The following TFEC variants were observed in gnomAD, a reference collection of about 807,000 sequenced individuals.
The protein encoded by TFEC is class E basic helix-loop-helix protein 34.
TFEC carries 31 observed loss-of-function variants against 41.6 expected under a neutral mutation model. That is an observed-to-expected ratio of 0.74 (90% CI 0.56 to 1.01). TFEC has a LOEUF of 1.01. Ranked by LOEUF, TFEC falls within the 50% of genes least tolerant of loss-of-function variation. The pLI is 0.00. For missense variants in TFEC, 402 were observed against 404.1 expected, an observed-to-expected ratio of 0.99 and a Z score of 0.04; for synonymous variants, 143 against 140.6, an observed-to-expected ratio of 1.02 and a Z score of -0.12.
At chr7:116,088,175 C>A (rs1425176245) in intron 3 of TFEC, among the ~76,000 whole-genome samples, 1 of 152,098 alleles carries the variant, frequency 6.6e-6, no homozygotes, top group Non-Finnish European at 1.5e-5. Flanking sequence ...TAGGGGATAA[C>A]TTGCTTGGGG....
chr7:116,030,587 G>C (rs536298857), intron 1 of TFEC, 46 bp downstream of exon 1: 2 of 974,936 alleles, frequency 2.1e-6, no homozygotes, highest in South Asian at 9.5e-5. Context: ...TGTCTTCCTA[G>C]TTTGTTTAAA....
chr7:115,984,970 G>A (rs1474238640), intron 1 of TFEC, among the ~76,000 whole-genome samples: 1 of 151,956 alleles, frequency 6.6e-6, no homozygotes. Flanking sequence ...TAAGAGAGCA[G>A]GAACTAGAAA....
intron 2 of TFEC, chr7:116,111,914 A>G (rs1797863632): frequency 2.9e-6 from 2 of 694,632 alleles, no homozygotes; most frequent in Non-Finnish European, 3.6e-6. Context: ...CACCCTGGTA[A>G]ATGATAGTAC....
chr7:116,088,924 T>C (rs1380954526), intron 3 of TFEC, among the ~76,000 whole-genome samples: 1 of 152,078 alleles, frequency 6.6e-6, no homozygotes, highest in Non-Finnish European at 1.5e-5. Context: ...ACAAGGACTA[T>C]GGACACAATT....
At chr7:116,159,088 T>C (rs1397113987) in intron 1 of TFEC, among the ~76,000 whole-genome samples, 1 of 151,884 alleles carries the variant, frequency 6.6e-6, no homozygotes, top group Non-Finnish European at 1.5e-5. Context: ...ACAGTTTTTA[T>C]ATGTAAATAA....
chr7:115,952,693 CT>C (rs1255044163), intron 5 of TFEC, among the ~76,000 whole-genome samples: 1 of 152,034 alleles, frequency 6.6e-6, no homozygotes, highest in African/African-American at 2.4e-5. Context: ...GTACTAGTTA[CT>C]TATAAAGGAG....
At chr7:115,941,392 T>TG (rs1793489396) in intron 7 of TFEC, 1 of 163,118 alleles carries the variant, frequency 6.1e-6, no homozygotes, top group African/African-American at 2.4e-5. Flanking sequence ...TATGAACAGA[T>TG]GAGAAGTGAC....
intron 1 of TFEC, among the ~76,000 whole-genome samples, chr7:116,021,968 G>C (rs751875424): frequency 3.3e-5 from 5 of 152,144 alleles, no homozygotes; most frequent in African/African-American, 4.8e-5. Context: ...CCCCAGAGTT[G>C]GTCCTCAGAT....
chr7:116,007,327 T>G (rs1794836336), intron 1 of TFEC, among the ~76,000 whole-genome samples: 2 of 152,148 alleles, frequency 1.3e-5, no homozygotes, highest in Non-Finnish European at 2.9e-5. Flanking sequence ...CAAGTTTGGA[T>G]CAGTCTCAGA....
chr7:115,976,905 G>A (rs1374374155), intron 2 of TFEC, among the ~76,000 whole-genome samples: 1 of 152,092 alleles, frequency 6.6e-6, no homozygotes, highest in Non-Finnish European at 1.5e-5. Context: ...TGACTATAAA[G>A]CATGCTTAGG....
chr7:116,018,484 A>C lies in TFEC; in HGVS notation c.-73+12149T>G, dbSNP rs1795276291. 2.6e-5 allele frequency among the ~76,000 whole-genome samples: 4 copies of C among 152,188 alleles called. No individual in the cohort carries two copies. The South Asian group carries it at 8.3e-4, about 32-fold the overall frequency. Reference sequence around the variant, plus strand: ...TTGGATTGAAGTAGAAGATACAAGCAAGAAAGGGTGACTAATTAAGTAAGT... The same window carrying C: ...TTGGATTGAAGTAGAAGATACAAGCCAGAAAGGGTGACTAATTAAGTAAGT... On this transcript the variant is annotated intron_variant, in intron 1 of 7. Coordinates refer to ENST00000265440, the MANE Select transcript of TFEC (RefSeq NM_012252.4).
chr7:115,948,457 C>A (rs1791733764), intron 6 of TFEC, among the ~76,000 whole-genome samples: 1 of 152,102 alleles, frequency 6.6e-6, no homozygotes, highest in Non-Finnish European at 1.5e-5. Context: ...CAATAAAATA[C>A]TGGCAAACTG....
chr7:116,127,120 C>T (rs758726444), intron 1 of TFEC, among the ~76,000 whole-genome samples: 1 of 150,506 alleles, frequency 6.6e-6, no homozygotes, highest in African/African-American at 2.4e-5. Flanking sequence ...GTTTTTGAGA[C>T]GGAGTCTGCA....
intron 3 of TFEC, among the ~76,000 whole-genome samples, chr7:116,053,047 G>C (rs1041450822): frequency 1.6e-4 from 24 of 152,002 alleles, no homozygotes; most frequent in African/African-American, 2.4e-5. Flanking sequence ...ACTCCACCAT[G>C]GGCGACGGAG....
chr7:116,056,586 A>C (rs1796436443), intron 3 of TFEC, among the ~76,000 whole-genome samples: 1 of 152,140 alleles, frequency 6.6e-6, no homozygotes, highest in Non-Finnish European at 1.5e-5. Flanking sequence ...GATAGAAAGC[A>C]CAGAAAGATC....
rs1358149136 is a variant in TFEC at position 115,940,400 on chromosome 7, G to T, written c.*151C>A. On this transcript the variant is annotated 3_prime_UTR_variant, in exon 8 of 8. Transcript: ENST00000265440. Reference sequence around the variant, plus strand: ...TTAACACTATGATTTTTCTTCCTGCGAATTCTTCTGTTGCTTCTATCAGTT... The same window carrying T: ...TTAACACTATGATTTTTCTTCCTGCTAATTCTTCTGTTGCTTCTATCAGTT... 1.3e-5 allele frequency: 11 copies of T among 826,020 alleles called. No individual in the cohort carries two copies. Among genetic ancestry groups the T allele is most frequent in the African/African-American group, 3.5e-5 (2 of 57,192 alleles). The allele number at this position is 826,020 out of a possible 1,614,324, so 51.2% of individuals were successfully genotyped here. A position where few individuals can be genotyped will look rare whatever the true frequency, so the allele number is the denominator to read the frequency against.
intron 1 of TFEC, among the ~76,000 whole-genome samples, chr7:115,996,334 GA>G (rs965031774): frequency 3.9e-5 from 6 of 152,126 alleles, no homozygotes; most frequent in South Asian, 2.1e-4. Context: ...TCCTGGGCCA[GA>G]AGGGAACCTA....
rs1325457497 is a variant in TFEC at position 115,935,834 on chromosome 7, T to A, written c.*4717A>T. The A allele has an allele frequency of 6.6e-6, 1 of 151,548 alleles. No homozygotes were observed. The highest frequency in any genetic ancestry group is 1.9e-4 in the East Asian group (1 of 5,186). 9.4% of individuals were successfully genotyped at this position (151,548 alleles called of 1,614,324 possible). ...TAAGAAAAAGACATTTTACAGAGAA[T>A]TTCATCAGTAGAAAACACAATAGAA... On this transcript the variant is annotated 3_prime_UTR_variant, in exon 8 of 8. Coordinates refer to ENST00000265440, the MANE Select transcript of TFEC (RefSeq NM_012252.4).
chr7:115,985,644 T>C (rs570635321), intron 1 of TFEC, among the ~76,000 whole-genome samples: 1 of 152,284 alleles, frequency 6.6e-6, no homozygotes, highest in Non-Finnish European at 1.5e-5. Context: ...GTAGTTACTT[T>C]AGTTTAATTC....
Sources: allele counts gnomAD v4.1 joint callset (sites outside exome capture counted in the v4.1 genomes callset), GRCh38; gene constraint gnomAD v4.1.1; transcripts MANE v1.5; gene names NCBI Gene and HGNC (gene_info 2026-07-23, HGNC 2026-07-21).